Variants in ATXN2 observed in about 807,000 individuals in gnomAD.
The protein encoded by ATXN2 is ataxin-2.
ATXN2 carries 37 observed loss-of-function variants against 138.6 expected under a neutral mutation model. That is an observed-to-expected ratio of 0.27 (90% CI 0.21 to 0.35). The LOEUF (loss-of-function observed/expected upper bound fraction) is 0.35. ATXN2 is among the 10% of genes least tolerant of loss of function. The pLI, the probability that ATXN2 is intolerant of heterozygous loss-of-function variation, is 1.00. For missense variants in ATXN2, 1,216 were observed against 1,480.3 expected (o/e 0.82, Z 2.93); for synonymous variants, 549 against 543.7 (o/e 1.01, Z -0.13).
At chr12:111,473,888 T>C (rs1269770670) in intron 18 of ATXN2, among the ~76,000 whole-genome samples, 1 of 151,754 alleles carries the variant, frequency 6.6e-6, no homozygotes, top group Non-Finnish European at 1.5e-5. Flanking sequence ...ATTCAGATCG[T>C]GGGAAAAAAA....
chr12:111,470,443 A>C, intron 19 of ATXN2, 115 bp downstream of exon 19: 1 of 1,259,508 alleles, frequency 7.9e-7, no homozygotes, highest in Non-Finnish European at 1.1e-6. Flanking sequence ...CCAAGTCCTT[A>C]GCTATCTACC....
chr12:111,479,370 T>C (rs558614857), intron 18 of ATXN2, among the ~76,000 whole-genome samples: 2 of 114,514 alleles, frequency 1.7e-5, no homozygotes, highest in Admixed American at 2.4e-4. Context: ...CTGGCCAACA[T>C]GGTGAAATCC....
intron 23 of ATXN2, chr12:111,454,908 C>T (rs1054331219): frequency 1.6e-5 from 10 of 623,722 alleles, no homozygotes; most frequent in East Asian, 8.5e-5. Flanking sequence ...CACCAAACCA[C>T]GCTGGCCCAC....
intron 1 of ATXN2, among the ~76,000 whole-genome samples, chr12:111,596,979 G>A (rs1191826992): frequency 2.6e-5 from 4 of 152,100 alleles, no homozygotes; most frequent in African/African-American, 9.7e-5. Flanking sequence ...TAATACCTAA[G>A]AAAGTAAAAA....
intron 1 of ATXN2, among the ~76,000 whole-genome samples, chr12:111,569,738 A>G (rs1008508798): frequency 2.6e-5 from 4 of 151,778 alleles, no homozygotes; most frequent in Non-Finnish European, 5.9e-5. Flanking sequence ...CCACCACCAC[A>G]CTCTTCATAT....
chr12:111,588,808 A>G (rs1884478899), intron 1 of ATXN2, among the ~76,000 whole-genome samples: 1 of 149,592 alleles, frequency 6.7e-6, no homozygotes, highest in Non-Finnish European at 1.5e-5. Flanking sequence ...TGGCTAACAC[A>G]GTGAAACCCC....
intron 18 of ATXN2, among the ~76,000 whole-genome samples, chr12:111,476,397 C>A (rs556889865): frequency 1.3e-5 from 2 of 151,976 alleles, no homozygotes; most frequent in East Asian, 3.9e-4. Flanking sequence ...AATGTCTCAC[C>A]CCTAAAAATG....
intron 1 of ATXN2, among the ~76,000 whole-genome samples, chr12:111,563,258 A>T (rs907537562): frequency 1.3e-5 from 2 of 152,172 alleles, no homozygotes; most frequent in Admixed American, 1.3e-4. Context: ...TCTTGGACAG[A>T]GGGAGTAAAT....
chr12:111,513,696 T>C (rs1879687320), intron 10 of ATXN2, among the ~76,000 whole-genome samples, 157 bp from the exon 11 acceptor site: 2 of 151,860 alleles, frequency 1.3e-5, no homozygotes, highest in Non-Finnish European at 2.9e-5. Context: ...ACCATACATA[T>C]TTTTTTGGCC....
chr12:111,513,076 A>G (rs1879639344), intron 11 of ATXN2: 1 of 370,494 alleles, frequency 2.7e-6, no homozygotes, highest in Non-Finnish European at 4.8e-6. Flanking sequence ...TGAACCTTAT[A>G]GGAATCTCAT....
At chr12:111,575,353 TA>T (rs1238331051) in intron 1 of ATXN2, among the ~76,000 whole-genome samples, 2 of 152,060 alleles carry the variant, frequency 1.3e-5, no homozygotes, top group Non-Finnish European at 2.9e-5. Flanking sequence ...CCCCATTAAT[TA>T]AAAAATATTT....
At position 111,588,991 on chromosome 12, in the gene ATXN2, CAAAA is replaced by C. The variant is rs58116265; in HGVS notation, c.251+9789_251+9792del. 1.2e-3 allele frequency among the ~76,000 whole-genome samples: 47 copies of C among 38,702 alleles called. No individual in the cohort carries two copies. The East Asian group carries it at 0.074, about 61-fold the overall frequency. 25.4% of individuals were successfully genotyped at this position (38,702 alleles called of 152,430 possible). A position where few individuals can be genotyped will look rare whatever the true frequency, so the allele number is the denominator to read the frequency against. ...GCCTGGGCGACAGAGCGAGATTTCT[CAAAA>C]AAAAAAAAAAAAAAAAAAAAAAAAA... On this transcript the variant is annotated intron_variant, in intron 1 of 24. Coordinates refer to ENST00000673436, the MANE Select transcript of ATXN2 (RefSeq NM_001372574.1).
chr12:111,454,148 C>T (rs1481163680), intron 23 of ATXN2: 3 of 235,066 alleles, frequency 1.3e-5, no homozygotes, highest in Non-Finnish European at 1.6e-5. Context: ...GGGGTAAGAT[C>T]TTCACAAAGA....
intron 6 of ATXN2, among the ~76,000 whole-genome samples, chr12:111,524,809 T>A (rs1021135259): frequency 3.9e-5 from 6 of 152,190 alleles, no homozygotes; most frequent in Admixed American, 1.3e-4. Context: ...TTCAACCTCT[T>A]CTCTAGGTGA....
chr12:111,509,778 T>A, intron 13 of ATXN2, 113 bp downstream of exon 13: 1 of 965,230 alleles, frequency 1.0e-6, no homozygotes. Context: ...AATACATTTA[T>A]CTATCACAAT....
chr12:111,502,382 TA>T (rs1465377871), intron 14 of ATXN2, among the ~76,000 whole-genome samples: 1 of 152,218 alleles, frequency 6.6e-6, no homozygotes, highest in Non-Finnish European at 1.5e-5. Flanking sequence ...CACTCTGCTG[TA>T]TTTCCTCTCT....
intron 1 of ATXN2, among the ~76,000 whole-genome samples, chr12:111,589,624 T>A (rs1884544357): frequency 6.6e-6 from 1 of 151,308 alleles, no homozygotes; most frequent in African/African-American, 2.4e-5. Context: ...ATACAAAAAT[T>A]AGCCAGGTGT....
At chr12:111,466,974 G>C (rs1406128993) in intron 20 of ATXN2, among the ~76,000 whole-genome samples, 1 of 151,974 alleles carries the variant, frequency 6.6e-6, no homozygotes, top group Non-Finnish European at 1.5e-5. Context: ...TTCTATGTAA[G>C]TTTGTTGTAG....
chr12:111,482,633 ATTGTT>A (rs1214481926), intron 18 of ATXN2, among the ~76,000 whole-genome samples: 1 of 151,992 alleles, frequency 6.6e-6, no homozygotes, highest in East Asian at 1.9e-4. Flanking sequence ...TTCCCATTGC[ATTGTT>A]TTAAGTAATC....
Sources: gnomAD v4.1 joint callset for allele counts (sites outside exome capture counted in the v4.1 genomes callset) on GRCh38, gnomAD v4.1.1 for gene constraint, MANE v1.5 for transcripts, NCBI Gene and HGNC (gene_info 2026-07-23, HGNC 2026-07-21) for gene names.